TPST2: variants seen among roughly 807,000 people sequenced by gnomAD.
The protein encoded by TPST2 is tyrosylprotein sulfotransferase 2.
TPST2 carries 16 observed loss-of-function variants against 27.8 expected under a neutral mutation model. The observed-to-expected ratio is 0.58, with a 90% CI of 0.39 to 0.88. TPST2 has a LOEUF of 0.88. Ranked by LOEUF, TPST2 falls within the 40% of genes least tolerant of loss-of-function variation. The pLI is 0.00. For synonymous variants in TPST2, 229 were observed against 231.7 expected, an observed-to-expected ratio of 0.99 and a Z score of 0.10; for missense variants, 464 against 543.1, an observed-to-expected ratio of 0.85 and a Z score of 1.45.
chr22:26,554,995 T>TA (rs781202249), intron 1 of TPST2, among the ~76,000 whole-genome samples: 1 of 152,226 alleles, frequency 6.6e-6, no homozygotes, highest in Non-Finnish European at 1.5e-5. Context: ...ACCTGACTGT[T>TA]ATTCCTTCCC....
intron 1 of TPST2, among the ~76,000 whole-genome samples, chr22:26,556,076 A>G (rs1332790972): frequency 6.6e-6 from 1 of 152,260 alleles, no homozygotes; most frequent in Non-Finnish European, 1.5e-5. Context: ...GATGAAAAGG[A>G]AACCAACATA....
intron 1 of TPST2, among the ~76,000 whole-genome samples, chr22:26,554,894 C>T (rs1385176145): frequency 6.6e-6 from 1 of 152,086 alleles, no homozygotes; most frequent in Non-Finnish European, 1.5e-5. Flanking sequence ...GCCAAGATGG[C>T]GCCACTGCAC....
chr22:26,567,833 G>C (rs777210064), intron 1 of TPST2, among the ~76,000 whole-genome samples: 4 of 152,124 alleles, frequency 2.6e-5, no homozygotes, highest in Non-Finnish European at 5.9e-5. Flanking sequence ...CATATCCATC[G>C]GGGAAACAAA....
intron 1 of TPST2, among the ~76,000 whole-genome samples, chr22:26,576,262 G>T (rs1052360155): frequency 1.3e-5 from 2 of 151,808 alleles, no homozygotes; most frequent in African/African-American, 4.8e-5. Context: ...GATGGAGCTG[G>T]TCTTCTTGAA....
At chr22:26,528,407 T>C in intron 5 of TPST2, 145 bp from the exon 6 acceptor site, 2 of 1,063,958 alleles carry the variant, frequency 1.9e-6, no homozygotes, top group Non-Finnish European at 2.8e-6. Flanking sequence ...TGCCAGGTGC[T>C]GGGATAGCGT....
rs753617880 is a variant in TPST2, at chr22:26,541,133, C to T, written c.498G>A (p.Ser166=). The change falls in exon 3 of 7, where the codon TCG becomes TCA. Residue 166 remains serine (S), a synonymous_variant. Coordinates refer to ENST00000338754, the MANE Select transcript of TPST2 (RefSeq NM_003595.5). The surrounding 1 kb of genome is among the most constrained non-coding windows in gnomAD (Gnocchi z 5.9). The part of the protein sequence containing the change: ...CNKDPFTLKS[S]VYLSRLFPNS... ...TGGGGAACAGGCGCGACAGGTAGAC[C>T]GAGGACTTGAGCGTAAATGGGTCCT... 9.1e-5 allele frequency: 147 copies of T among 1,607,168 alleles called. No homozygotes were observed. The highest frequency in any genetic ancestry group is 9.4e-5 in the Non-Finnish European group (111 of 1,175,514).
At chr22:26,556,495 G>A (rs993781438) in intron 1 of TPST2, among the ~76,000 whole-genome samples, 10 of 152,144 alleles carry the variant, frequency 6.6e-5, no homozygotes, top group African/African-American at 2.2e-4. Flanking sequence ...AGCCGAGATC[G>A]CGTCATTGCA....
In TPST2 at chr22:26,569,990, AAAAAG is replaced by A. The variant is rs1569193771; in HGVS notation, c.-161+20058_-161+20062del. On this transcript the variant is annotated intron_variant, in intron 1 of 6. Transcript: ENST00000338754. ...AAAGGAAGAAAGAAAGAAAAGAAAG[AAAAAG>A]AAAGAAAGAAAGAAAGAAAGAAAGA... Among the ~76,000 whole-genome samples the A allele has an allele frequency of 9.6e-4, 5 of 5,202 alleles. No individual in the cohort carries two copies. In the Admixed American group the frequency reaches 0.013, roughly 13 times the overall value. The allele number at this position is 5,202 out of a possible 152,430, so 3.4% of individuals were successfully genotyped here. A position where few individuals can be genotyped will look rare whatever the true frequency, so the allele number is the denominator to read the frequency against.
At chr22:26,580,503 A>G (rs765104716) in intron 1 of TPST2, among the ~76,000 whole-genome samples, 1 of 152,194 alleles carries the variant, frequency 6.6e-6, no homozygotes, top group Non-Finnish European at 1.5e-5. Flanking sequence ...CCAAATTCCA[A>G]GCTTCTGAAC....
At chr22:26,570,388 C>T (rs1927584470) in intron 1 of TPST2, among the ~76,000 whole-genome samples, 2 of 152,302 alleles carry the variant, frequency 1.3e-5, no homozygotes, top group South Asian at 4.1e-4. Flanking sequence ...AATAAATGAG[C>T]AGCCAGGCCA....
intron 1 of TPST2, among the ~76,000 whole-genome samples, chr22:26,588,874 G>T (rs142994239): frequency 6.6e-6 from 1 of 152,292 alleles, no homozygotes; most frequent in East Asian, 1.9e-4. Flanking sequence ...CTAGGGAGAG[G>T]TGTCCACCCA....
chr22:26,561,022 G>A, intron 1 of TPST2: 6 of 1,604,102 alleles, frequency 3.7e-6, no homozygotes, highest in Non-Finnish European at 5.1e-6. Flanking sequence ...CGAGCTAAAG[G>A]AAAGCCTGAT....
intron 1 of TPST2, among the ~76,000 whole-genome samples, chr22:26,558,475 G>C (rs1926917954): frequency 6.6e-6 from 1 of 152,184 alleles, no homozygotes. Flanking sequence ...TAAAAAGGAG[G>C]GAGATGGGAG....
chr22:26,528,370 C>T (rs2283823), intron 5 of TPST2, 108 bp from the exon 6 acceptor site: 372,495 of 1,335,300 alleles, frequency 0.28, 53,595 homozygotes, highest in African/African-American at 0.32. Context: ...TGCTTATTCA[C>T]GTAGTATTTA....
chr22:26,553,450 C>A (rs1348869577), intron 1 of TPST2, among the ~76,000 whole-genome samples: 5 of 151,292 alleles, frequency 3.3e-5, no homozygotes, highest in Non-Finnish European at 7.4e-5. Flanking sequence ...CTGTTCACTG[C>A]AGCCTTGAAA....
intron 1 of TPST2, among the ~76,000 whole-genome samples, chr22:26,588,772 T>A (rs932315784): frequency 5.9e-5 from 9 of 152,014 alleles, no homozygotes; most frequent in Admixed American, 5.2e-4. Context: ...ACATCACTAC[T>A]AAATCCGGTG....
intron 1 of TPST2, among the ~76,000 whole-genome samples, chr22:26,551,807 T>C (rs955068789): frequency 2.0e-5 from 3 of 151,908 alleles, no homozygotes; most frequent in Non-Finnish European, 4.4e-5. Context: ...GGGAACTATG[T>C]AACTTCCATC....
intron 1 of TPST2, among the ~76,000 whole-genome samples, chr22:26,563,331 CTTTT>C (rs369020254): frequency 7.5e-6 from 1 of 133,668 alleles, no homozygotes; most frequent in Non-Finnish European, 1.6e-5. Context: ...CCCTCTTCTT[CTTTT>C]TTTTTTTTTT....
intron 4 of TPST2, among the ~76,000 whole-genome samples, chr22:26,534,712 T>C (rs538741702): frequency 6.6e-6 from 1 of 152,324 alleles, no homozygotes; most frequent in African/African-American, 2.4e-5. Context: ...GAGAAGCACC[T>C]GGGGCTGGAT....
Sources: gnomAD v4.1 joint callset for allele counts (sites outside exome capture counted in the v4.1 genomes callset) on GRCh38, gnomAD v4.1.1 for gene constraint, Gnocchi (gnomAD v3.1) non-coding constraint, MANE v1.5 for transcripts, NCBI Gene and HGNC (gene_info 2026-07-23, HGNC 2026-07-21) for gene names.